Variants in NRXN3 observed in about 807,000 individuals in gnomAD.
NRXN3 encodes neurexin III.
In NRXN3, 32 loss-of-function variants were observed where a neutral mutation model predicts 137.6. That is an observed-to-expected ratio of 0.23 (90% CI 0.18 to 0.31). NRXN3 has a LOEUF of 0.31. Ranked by LOEUF, NRXN3 falls within the 10% of genes least tolerant of loss-of-function variation. The probability of loss-of-function intolerance (pLI) is 1.00; values close to 1 mark genes in which losing one functional copy is unlikely to be tolerated. For synonymous variants in NRXN3, 798 were observed against 784.5 expected, an observed-to-expected ratio of 1.02 and a Z score of -0.29; for missense variants, 1,574 against 2,062.5, an observed-to-expected ratio of 0.76 and a Z score of 4.59.
chr14:79,323,627 A>G (rs1598722160), intron 15 of NRXN3, among the ~76,000 whole-genome samples: 1 of 152,302 alleles, frequency 6.6e-6, no homozygotes, highest in Non-Finnish European at 1.5e-5. Flanking sequence ...TGGGAGGCCG[A>G]GGCAGGCAGA....
At chr14:78,651,065 CT>C in intron 5 of NRXN3, 99 bp from the exon 6 acceptor site, 1 of 1,118,846 alleles carries the variant, frequency 8.9e-7, no homozygotes, top group Admixed American at 2.4e-5. Context: ...TCATGAAAAT[CT>C]TAATGAAAGT....
At chr14:79,569,701 C>G (rs1030996813) in intron 16 of NRXN3, among the ~76,000 whole-genome samples, 1 of 151,846 alleles carries the variant, frequency 6.6e-6, no homozygotes, top group Non-Finnish European at 1.5e-5. Context: ...CTCCGTCTCC[C>G]GGGTTCAAGT....
At chr14:78,761,824 A>T (rs2098693303) in intron 8 of NRXN3, among the ~76,000 whole-genome samples, 1 of 152,212 alleles carries the variant, frequency 6.6e-6, no homozygotes, top group South Asian at 2.1e-4. Context: ...AGTGCTGGTG[A>T]GCACTTTTTG....
At chr14:79,723,883 G>A (rs1402457170) in intron 19 of NRXN3, among the ~76,000 whole-genome samples, 1 of 152,014 alleles carries the variant, frequency 6.6e-6, no homozygotes, top group African/African-American at 2.4e-5. Context: ...TGGTACCTCC[G>A]TGTTGTTCTC....
chr14:79,022,987 AG>A (rs2099592122), intron 15 of NRXN3, among the ~76,000 whole-genome samples: 1 of 152,050 alleles, frequency 6.6e-6, no homozygotes, highest in South Asian at 2.1e-4. Flanking sequence ...AAGCATCCAT[AG>A]GGAAGGAATT....
chr14:79,077,243 G>A (rs935822631), intron 15 of NRXN3, among the ~76,000 whole-genome samples: 5 of 152,132 alleles, frequency 3.3e-5, no homozygotes, highest in Non-Finnish European at 2.9e-5. Context: ...CCTCATGACC[G>A]AGGAAACGTT....
intron 19 of NRXN3, among the ~76,000 whole-genome samples, chr14:79,794,460 T>A (rs920305359): frequency 6.6e-6 from 1 of 152,114 alleles, no homozygotes; most frequent in African/African-American, 2.4e-5. Context: ...TCGTCTTTAC[T>A]GTAAATGGTT....
At chr14:78,962,757 AGGCTGGAGTGCGGT>A (rs1178563754) in intron 11 of NRXN3, among the ~76,000 whole-genome samples, 1 of 151,318 alleles carries the variant, frequency 6.6e-6, no homozygotes, top group Admixed American at 6.6e-5. Context: ...TTTGTCACCC[AGGCTGGAGTGCGGT>A]GGCATGATGT....
chr14:79,778,912 A>G (rs2099105802), intron 19 of NRXN3, among the ~76,000 whole-genome samples: 1 of 152,184 alleles, frequency 6.6e-6, no homozygotes, highest in Admixed American at 6.5e-5. Context: ...GGAATCTGAT[A>G]GATTTGGGTC....
chr14:78,591,518 A>T (rs1012252075), intron 4 of NRXN3, among the ~76,000 whole-genome samples: 1 of 152,034 alleles, frequency 6.6e-6, no homozygotes, highest in African/African-American at 2.4e-5. Flanking sequence ...ACACTCTAAG[A>T]CTCACAATTA....
At chr14:79,054,814 G>A (rs888250358) in intron 15 of NRXN3, among the ~76,000 whole-genome samples, 16 of 152,286 alleles carry the variant, frequency 1.1e-4, no homozygotes, top group African/African-American at 3.8e-4. Context: ...TTGGACTGTG[G>A]AAAGACAATA....
intron 16 of NRXN3, among the ~76,000 whole-genome samples, chr14:79,601,986 AAGACAATCCAGAAGTCG>A (rs2097928395): frequency 6.6e-6 from 1 of 152,192 alleles, no homozygotes; most frequent in Admixed American, 6.5e-5. Context: ...CTTCTTTTGA[AAGACAATCCAGAAGTCG>A]AGACTTTTAT....
At chr14:79,355,657 C>A (rs963629586) in intron 15 of NRXN3, among the ~76,000 whole-genome samples, 28 of 152,120 alleles carry the variant, frequency 1.8e-4, no homozygotes, top group African/African-American at 6.8e-4. Context: ...AACCATAGTG[C>A]CAAAGACAAA....
intron 15 of NRXN3, among the ~76,000 whole-genome samples, chr14:79,078,994 G>A (rs1317346996): frequency 6.6e-6 from 1 of 152,094 alleles, no homozygotes; most frequent in Admixed American, 6.6e-5. Context: ...TCATGGCATT[G>A]TGTATTTCTC....
intron 4 of NRXN3, among the ~76,000 whole-genome samples, chr14:78,345,739 A>G (rs2082657897): frequency 6.6e-6 from 1 of 152,168 alleles, no homozygotes; most frequent in South Asian, 2.1e-4. Flanking sequence ...GTCTCCTGGC[A>G]ATTTCTGAGA....
At chr14:79,100,100 T>C (rs1218392625) in intron 15 of NRXN3, among the ~76,000 whole-genome samples, 2 of 152,212 alleles carry the variant, frequency 1.3e-5, no homozygotes, top group Non-Finnish European at 2.9e-5. Context: ...GGGTATTTTA[T>C]TTCCTGCAAG....
chr14:79,172,193 A>G (rs1752259313), intron 15 of NRXN3, among the ~76,000 whole-genome samples: 1 of 26,924 alleles, frequency 3.7e-5, no homozygotes, highest in African/African-American at 5.2e-5. Context: ...CTTGCTAGGG[A>G]AAAAAAAAAC....
rs532474742 is a variant in NRXN3, at chr14:78,852,492, G to A, written c.2275+42148G>A. 4.6e-5 allele frequency among the ~76,000 whole-genome samples: 7 copies of A among 152,234 alleles called. No individual in the cohort carries two copies. In the East Asian group the frequency reaches 5.8e-4, roughly 13 times the overall value. The stretch of plus-strand genomic sequence containing the variant: ...CTGGAAGTGTTTTGTTATTATCACC[G>A]TGCTAGAAGATAAAATCTGAGTTCT... On this transcript the variant is annotated intron_variant, in intron 10 of 20. Transcript: ENST00000335750.
Position 79,711,595 on chromosome 14 carries a change from A to G in NRXN3, c.4014+13658A>G, listed in dbSNP as rs572126764. Among the ~76,000 whole-genome samples, 9 of 152,274 alleles carry G rather than the reference A, an allele frequency of 5.9e-5. No homozygotes were observed. In the East Asian group the frequency reaches 1.7e-3, roughly 29 times the overall value. On this transcript the variant is annotated intron_variant, in intron 19 of 20. Coordinates refer to ENST00000335750, the MANE Select transcript of NRXN3 (RefSeq NM_001330195.2). ...TTGGAGTGCTGGGATTAGAGGTGTG[A>G]GCCACTGTGGTTGGCCTAAGTAATA...
Sources: allele counts gnomAD v4.1 joint callset (sites outside exome capture counted in the v4.1 genomes callset), GRCh38; gene constraint gnomAD v4.1.1; transcripts MANE v1.5; gene names NCBI Gene and HGNC (gene_info 2026-07-23, HGNC 2026-07-21).